Variants in CPEB4 observed in about 807,000 individuals in gnomAD.
CPEB4 encodes cytoplasmic polyadenylation element-binding protein 4.
A neutral mutation model predicts 72.5 loss-of-function variants in CPEB4; 12 were observed. That is an observed-to-expected ratio of 0.17 (90% CI 0.11 to 0.27). The LOEUF (loss-of-function observed/expected upper bound fraction) is 0.27. CPEB4 is among the 10% of genes least tolerant of loss of function. The pLI is 1.00. For missense variants in CPEB4, 614 were observed against 908.5 expected (o/e 0.68, Z 4.17); for synonymous variants, 302 against 326.3 (o/e 0.93, Z 0.80).
In CPEB4 at chr5:173,959,191, C is replaced by T. The variant is rs538869298; in HGVS notation, c.*3054C>T. Reference sequence around the variant, plus strand: ...TCACCAAGCATGTAGTTCTAGCGCACTAGCATGGCGCCAGCCATGTACTTA... The same window carrying T: ...TCACCAAGCATGTAGTTCTAGCGCATTAGCATGGCGCCAGCCATGTACTTA... On this transcript the variant is annotated 3_prime_UTR_variant, in exon 10 of 10. Coordinates refer to ENST00000265085, the MANE Select transcript of CPEB4 (RefSeq NM_030627.4). The T allele has an allele frequency of 3.3e-5, 5 of 152,922 alleles. No individual in the cohort carries two copies. Among genetic ancestry groups the T allele is most frequent in the African/African-American group, 4.8e-5 (2 of 41,596 alleles). The allele number at this position is 152,922 out of a possible 1,614,324, so 9.5% of individuals were successfully genotyped here.
chr5:173,894,359 G>A (rs894670628), intron 1 of CPEB4, among the ~76,000 whole-genome samples: 12 of 151,986 alleles, frequency 7.9e-5, no homozygotes, highest in African/African-American at 1.9e-4. Context: ...GGTAGCTGAC[G>A]CCTGTAATCC....
At chr5:173,921,342 C>T (rs1209699780) in intron 2 of CPEB4, among the ~76,000 whole-genome samples, 4 of 152,180 alleles carry the variant, frequency 2.6e-5, no homozygotes, top group Non-Finnish European at 5.9e-5. Context: ...TAGAGAACTT[C>T]CCTAATTTTT....
Position 173,889,686 on chromosome 5 carries a change from A to C in CPEB4, c.-48A>C. ...GTAGAGGAAAAAAAAGGCGTGAGAC[A>C]TCAGGTTGTCATTTTTTATTGTGAG... On this transcript the variant is annotated 5_prime_UTR_variant, in exon 1 of 10. Coordinates refer to ENST00000265085, the MANE Select transcript of CPEB4 (RefSeq NM_030627.4). 6.7e-7 allele frequency: 1 copy of C among 1,487,962 alleles called. No individual in the cohort carries two copies. The highest frequency in any genetic ancestry group is 9.0e-7 in the Non-Finnish European group (1 of 1,106,418). The allele number at this position is 1,487,962 out of a possible 1,614,324, so 92.2% of individuals were successfully genotyped here.
At chr5:173,948,077 C>T (rs1758091062) in intron 5 of CPEB4, among the ~76,000 whole-genome samples, 1 of 152,074 alleles carries the variant, frequency 6.6e-6, no homozygotes, top group Admixed American at 6.5e-5. Flanking sequence ...AATTGGATCA[C>T]AACCCATTGA....
chr5:173,889,921 C>G lies in CPEB4; in HGVS notation c.188C>G (p.Pro63Arg). 6.2e-7 allele frequency: 1 copy of G among 1,614,168 alleles called. No individual in the cohort carries two copies. Among genetic ancestry groups the G allele is most frequent in the Non-Finnish European group, 8.5e-7 (1 of 1,180,022 alleles). The change falls in exon 1 of 10, where the codon CCT (proline) becomes CGT (arginine). Residue 63 changes from proline to arginine, a missense_variant. By Grantham distance (103) the Pro-to-Arg change is moderately radical (BLOSUM62 -2). Around this residue, in one of 5 missense-constraint regions of CPEB4, gnomAD observed 458 missense variants for 548.6 expected, o/e 0.83. Coordinates refer to ENST00000265085, the MANE Select transcript of CPEB4 (RefSeq NM_030627.4). Reference protein sequence around the residue: ...GSSAGSAWLFPAPATHNIQDE... With the variant: ...GSSAGSAWLFRAPATHNIQDE... ...AGTGCTGGGTCAGCTTGGCTTTTTC[C>G]TGCTCCAGCTACCCATAACATTCAG...
chr5:173,951,713 T>C, intron 7 of CPEB4, 111 bp from the exon 8 acceptor site: 1 of 671,838 alleles, frequency 1.5e-6, no homozygotes, highest in Non-Finnish European at 2.8e-6. Context: ...CTTTATTGAC[T>C]TGTAATCATA....
chr5:173,958,659 G>A lies in CPEB4; in HGVS notation c.*2522G>A, dbSNP rs902259333. On this transcript the variant is annotated 3_prime_UTR_variant, in exon 10 of 10. Coordinates refer to ENST00000265085, the MANE Select transcript of CPEB4 (RefSeq NM_030627.4). ...AGTCACAAATTAATGAAAAAAATTC[G>A]CATGAAAATGACAGATAACACTGTA... 27 of 151,892 alleles carry A rather than the reference G, an allele frequency of 1.8e-4. No individual in the cohort carries two copies. The highest frequency in any genetic ancestry group is 6.1e-4 in the African/African-American group (25 of 41,270). 9.4% of individuals were successfully genotyped at this position (151,892 alleles called of 1,614,324 possible). A position where few individuals can be genotyped will look rare whatever the true frequency, so the allele number is the denominator to read the frequency against.
At position 173,890,164 on chromosome 5, in the gene CPEB4, A is replaced by G. The variant is rs758724697; in HGVS notation, c.431A>G (p.Asp144Gly). The G allele has an allele frequency of 1.2e-6, 2 of 1,614,140 alleles. No individual in the cohort carries two copies. The highest frequency in any genetic ancestry group is 1.7e-6 in the Non-Finnish European group (2 of 1,180,022). ...GAATCTCCAGTGTTGACAGGGTTTG[A>G]TTATCAAGAAGCCACTGGGCTAGGT... The part of the protein sequence containing the change: ...RIESPVLTGF[D>G]YQEATGLGTS... The change falls in exon 1 of 10, where the codon GAT becomes GGT. Residue 144 changes from aspartate to glycine, a missense_variant. Physicochemically the swap from Asp to Gly is moderately conservative, Grantham distance 94 (BLOSUM62 -1). Around this residue, in one of 5 missense-constraint regions of CPEB4, gnomAD observed 458 missense variants for 548.6 expected, o/e 0.83. Transcript: ENST00000265085.
chr5:173,920,589 C>T lies in CPEB4; in HGVS notation c.1207+9985C>T, dbSNP rs774911839. ...AGAAGTGTTCAGGGTTGTGTTCAAACCTGGTTTGGCCACTAGTAGTGCCTT... is the reference window on the plus strand; with the variant it reads ...AGAAGTGTTCAGGGTTGTGTTCAAATCTGGTTTGGCCACTAGTAGTGCCTT... On this transcript the variant is annotated intron_variant, in intron 2 of 9. Coordinates refer to ENST00000265085, the MANE Select transcript of CPEB4 (RefSeq NM_030627.4). Among the ~76,000 whole-genome samples, 156 of 152,248 alleles carry T rather than the reference C, an allele frequency of 1.0e-3. 3 individuals are homozygous for T. The highest frequency in any genetic ancestry group is 3.4e-3 in the Middle Eastern group (1 of 294).
chr5:173,925,760 G>A (rs1106693), intron 2 of CPEB4, among the ~76,000 whole-genome samples: 143,292 of 152,282 alleles, frequency 0.94, 67,474 homozygotes, highest in East Asian at 1. Context: ...TACTTATGAC[G>A]GTATAGTTTT....
In CPEB4 at chr5:173,888,665, C is replaced by T. The variant is rs1190075022; in HGVS notation, c.-1069C>T. On this transcript the variant is annotated 5_prime_UTR_variant, in exon 1 of 10. Coordinates refer to ENST00000265085, the MANE Select transcript of CPEB4 (RefSeq NM_030627.4). The surrounding 1 kb of genome is among the most constrained non-coding windows in gnomAD (Gnocchi z 4.3). ...GGGAGGCCCTTCTCCTTTAAAATAA[C>T]TACGGTAGTGGGTTTTTCCTTTTTT... 7.5e-6 allele frequency: 3 copies of T among 399,772 alleles called. No homozygotes were observed. Among genetic ancestry groups the T allele is most frequent in the African/African-American group, 4.1e-5 (2 of 48,612 alleles). The allele number at this position is 399,772 out of a possible 1,614,324, so 24.8% of individuals were successfully genotyped here.
chr5:173,924,107 A>G (rs950219184), intron 2 of CPEB4, among the ~76,000 whole-genome samples: 2 of 152,150 alleles, frequency 1.3e-5, no homozygotes, highest in Non-Finnish European at 2.9e-5. Flanking sequence ...CTGTAGAAAC[A>G]TATTCCATTG....
In CPEB4 at chr5:173,956,237, T is replaced by TAGCA; in HGVS notation, c.*101_*104dup. 4.7e-6 allele frequency: 4 copies of TAGCA among 847,882 alleles called. No individual in the cohort carries two copies. The highest frequency in any genetic ancestry group is 7.7e-6 in the Non-Finnish European group (4 of 518,054). The allele number at this position is 847,882 out of a possible 1,614,324, so 52.5% of individuals were successfully genotyped here. On this transcript the variant is annotated 3_prime_UTR_variant, in exon 10 of 10. Coordinates refer to ENST00000265085, the MANE Select transcript of CPEB4 (RefSeq NM_030627.4). ...CTCTTCACGCTGGCATGTCCTTTTG[T>TAGCA]AGCAGTCTGTAACTTAACTATAGTA... is the stretch of plus-strand genomic sequence containing the variant.
rs1581099119 is a variant in CPEB4, at chr5:173,888,600, A to T, written c.-1134A>T. On this transcript the variant is annotated 5_prime_UTR_variant, in exon 1 of 10. Transcript: ENST00000265085. The surrounding 1 kb of genome is among the most constrained non-coding windows in gnomAD (Gnocchi z 4.3). ...ACAAAAGCCTTCTAAATTATAGTTT[A>T]AAAAAAAATTCTGGGGGAAAAGAGA... 1.0e-5 allele frequency: 4 copies of T among 396,532 alleles called. No homozygotes were observed. The highest frequency in any genetic ancestry group is 1.8e-5 in the Non-Finnish European group (4 of 225,014). 24.6% of individuals were successfully genotyped at this position (396,532 alleles called of 1,614,324 possible). A position where few individuals can be genotyped will look rare whatever the true frequency, so the allele number is the denominator to read the frequency against.
At chr5:173,892,900 T>C (rs1185913091) in intron 1 of CPEB4, among the ~76,000 whole-genome samples, 2 of 152,082 alleles carry the variant, frequency 1.3e-5, no homozygotes, top group Non-Finnish European at 2.9e-5. Context: ...TTTATATTGA[T>C]TATGGGAAAA....
Position 173,889,896 on chromosome 5 carries a change from A to T in CPEB4, c.163A>T (p.Ser55Cys). ...INNNTAANGS[S>C]AGSAWLFPAP... Reference sequence around the variant, plus strand: ...TAATAACACAGCTGCCAATGGCAGCAGTGCTGGGTCAGCTTGGCTTTTTCC... The same window carrying T: ...TAATAACACAGCTGCCAATGGCAGCTGTGCTGGGTCAGCTTGGCTTTTTCC... The change falls in exon 1 of 10, where the codon AGT becomes TGT. Residue 55 changes from serine to cysteine, a missense_variant. Ser to Cys is a moderately radical substitution (Grantham distance 112). Coordinates refer to ENST00000265085, the MANE Select transcript of CPEB4 (RefSeq NM_030627.4). 1 of 1,614,144 alleles carries T rather than the reference A, an allele frequency of 6.2e-7. No homozygotes were observed. Among genetic ancestry groups the T allele is most frequent in the Non-Finnish European group, 8.5e-7 (1 of 1,179,990 alleles).
intron 2 of CPEB4, chr5:173,910,903 A>C (rs764963756): frequency 4.7e-5 from 12 of 254,786 alleles, no homozygotes; most frequent in Non-Finnish European, 7.4e-5. Context: ...ATCTCAGGCA[A>C]TAACTTCTCA....
intron 2 of CPEB4, among the ~76,000 whole-genome samples, chr5:173,931,128 A>G (rs1157487473): frequency 1.3e-5 from 2 of 152,166 alleles, no homozygotes; most frequent in Non-Finnish European, 2.9e-5. Flanking sequence ...GTTCATTACT[A>G]TGGAGACTGT....
intron 2 of CPEB4, among the ~76,000 whole-genome samples, chr5:173,927,371 G>A (rs906009313): frequency 2.0e-5 from 3 of 152,152 alleles, no homozygotes; most frequent in African/African-American, 7.2e-5. Context: ...CTCTAATTCC[G>A]AAGGGGGCTT....
Sources: gnomAD v4.1 joint callset for allele counts (sites outside exome capture counted in the v4.1 genomes callset) on GRCh38, gnomAD v4.1.1 for gene constraint, gnomAD v4.1.1 regional missense constraint, Gnocchi (gnomAD v3.1) non-coding constraint, MANE v1.5 for transcripts, NCBI Gene and HGNC (gene_info 2026-07-23, HGNC 2026-07-21) for gene names.